The following SLC24A2 variants were observed in gnomAD, a reference collection of about 807,000 sequenced individuals.
The protein encoded by SLC24A2 is solute carrier family 24 member 2.
Under a neutral mutation model 62.0 loss-of-function variants are expected in SLC24A2, and 36 were observed. The observed-to-expected ratio is 0.58, with a 90% CI of 0.44 to 0.77. The LOEUF is 0.77. SLC24A2 is among the 30% of genes least tolerant of loss of function. SLC24A2 has a pLI of 0.00. For synonymous variants in SLC24A2, 358 were observed against 294.0 expected (o/e 1.22, Z -2.23); for missense variants, 846 against 817.9 (o/e 1.03, Z -0.42).
chr9:20,227,798 A>G, the SLC24A2 span, among the ~76,000 whole-genome samples: 3 of 152,166 alleles, frequency 2.0e-5, no homozygotes, highest in Admixed American at 2.0e-4. Context: ...ATTGCCACCA[A>G]CAAGGTCACA....
chr9:19,691,623 T>C (rs1041767791), intron 2 of SLC24A2, among the ~76,000 whole-genome samples: 1 of 152,182 alleles, frequency 6.6e-6, no homozygotes, highest in East Asian at 1.9e-4. Context: ...GCAATAACTT[T>C]TGAGAAATGG....
chr9:20,240,217 A>T, the SLC24A2 span, among the ~76,000 whole-genome samples: 1 of 152,156 alleles, frequency 6.6e-6, no homozygotes, highest in South Asian at 2.1e-4. Context: ...TGGGCAGAAG[A>T]TGCTATGAGA....
chr9:20,250,411 G>C, the SLC24A2 span, among the ~76,000 whole-genome samples: 3 of 152,172 alleles, frequency 2.0e-5, no homozygotes, highest in Non-Finnish European at 2.9e-5. Context: ...CCAATCAACA[G>C]CTCTTTCCTA....
At chr9:19,577,110 G>T in intron 5 of SLC24A2, 88 bp from the exon 6 acceptor site, 1 of 991,152 alleles carries the variant, frequency 1.0e-6, no homozygotes, top group Non-Finnish European at 1.6e-6. Context: ...CCTCAGTCAC[G>T]CTGCACTAAT....
chr9:19,813,317 CTTTTTTT>C, the SLC24A2 span, among the ~76,000 whole-genome samples: 5 of 86,274 alleles, frequency 5.8e-5, no homozygotes, highest in East Asian at 1.1e-3. Context: ...TCATCTTCCT[CTTTTTTT>C]TTTTTTTTTT....
chr9:20,196,590 A>G, the SLC24A2 span, among the ~76,000 whole-genome samples: 5 of 152,244 alleles, frequency 3.3e-5, no homozygotes, highest in Non-Finnish European at 7.3e-5. Flanking sequence ...AGCTAGAATT[A>G]AATATAAACT....
the SLC24A2 span, among the ~76,000 whole-genome samples, chr9:20,247,496 T>C: frequency 3.3e-5 from 5 of 152,106 alleles, 1 homozygote; most frequent in African/African-American, 9.7e-5. Flanking sequence ...GCCCTTATAA[T>C]AGAGAGTTGA....
At chr9:19,985,234 T>C in the SLC24A2 span, among the ~76,000 whole-genome samples, 2 of 152,180 alleles carry the variant, frequency 1.3e-5, no homozygotes, top group African/African-American at 2.4e-5. Context: ...AATTCCACTC[T>C]TGGCAATTTG....
At chr9:19,976,381 G>T in the SLC24A2 span, among the ~76,000 whole-genome samples, 1 of 152,202 alleles carries the variant, frequency 6.6e-6, no homozygotes, top group African/African-American at 2.4e-5. Flanking sequence ...GATAGTGAAT[G>T]AGTTCTCATG....
At chr9:20,104,562 AG>A in the SLC24A2 span, among the ~76,000 whole-genome samples, 1 of 152,248 alleles carries the variant, frequency 6.6e-6, no homozygotes, top group African/African-American at 2.4e-5. Context: ...CTTAAAGAAA[AG>A]AACTTTCAAC....
At chr9:19,800,917 T>C in the SLC24A2 span, among the ~76,000 whole-genome samples, 1 of 152,204 alleles carries the variant, frequency 6.6e-6, no homozygotes, top group Non-Finnish European at 1.5e-5. Context: ...CTGCTGATGT[T>C]CTCCCATAGA....
chr9:20,307,654 G>A, the SLC24A2 span, among the ~76,000 whole-genome samples: 2 of 152,170 alleles, frequency 1.3e-5, no homozygotes, highest in South Asian at 2.1e-4. Flanking sequence ...AATACTTACT[G>A]CTTAAAGAGA....
chr9:19,550,997 T>A (rs1389134801), intron 7 of SLC24A2, among the ~76,000 whole-genome samples: 1 of 152,148 alleles, frequency 6.6e-6, no homozygotes, highest in African/African-American at 2.4e-5. Flanking sequence ...AGCCCTCTCT[T>A]CTAGCTTTGG....
the SLC24A2 span, among the ~76,000 whole-genome samples, chr9:20,017,361 TTAA>T: frequency 2.0e-3 from 306 of 152,322 alleles, 1 homozygote; most frequent in Admixed American, 5.6e-3. Context: ...TGTATGCATA[TTAA>T]TAATGATTCT....
At chr9:19,940,658 G>C in the SLC24A2 span, among the ~76,000 whole-genome samples, 3 of 152,246 alleles carry the variant, frequency 2.0e-5, no homozygotes, top group Admixed American at 6.5e-5. Context: ...TGAGTTTATA[G>C]ATTCAGCTCT....
At chr9:19,539,542 T>A (rs1402586238) in intron 8 of SLC24A2, among the ~76,000 whole-genome samples, 1 of 134,856 alleles carries the variant, frequency 7.4e-6, no homozygotes, top group African/African-American at 2.8e-5. Flanking sequence ...TCCTGAGTTC[T>A]AGTTTGATTG....
the SLC24A2 span, among the ~76,000 whole-genome samples, chr9:20,291,011 G>A: frequency 6.6e-6 from 1 of 152,188 alleles, no homozygotes; most frequent in Non-Finnish European, 1.5e-5. Flanking sequence ...GCATAGGCTG[G>A]ATTTCAGCCC....
At chr9:19,789,904 G>C (rs529538869), upstream of SLC24A2, among the ~76,000 whole-genome samples, 9 of 152,306 alleles carry the variant, frequency 5.9e-5, no homozygotes, top group African/African-American at 2.2e-4. Flanking sequence ...CCCCATCCAA[G>C]AGGGTTTCTT....
At chr9:19,605,363 C>T (rs988245176) in intron 4 of SLC24A2, among the ~76,000 whole-genome samples, 1 of 152,026 alleles carries the variant, frequency 6.6e-6, no homozygotes, top group African/African-American at 2.4e-5. Flanking sequence ...AGCTATGAAC[C>T]CAAATGAAAT....
Sources: gnomAD v4.1 joint callset for allele counts (sites outside exome capture counted in the v4.1 genomes callset) on GRCh38, gnomAD v4.1.1 for gene constraint, MANE v1.5 for transcripts, NCBI Gene and HGNC (gene_info 2026-07-23, HGNC 2026-07-21) for gene names.